CCNJL: variants seen among roughly 807,000 people sequenced by gnomAD.
The protein encoded by CCNJL is cyclin J like.
A neutral mutation model predicts 33.4 loss-of-function variants in CCNJL; 33 were observed. The ratio of observed to expected loss-of-function variants is 0.99; its 90% CI spans 0.75 to 1.32. The LOEUF (loss-of-function observed/expected upper bound fraction) is 1.32, where lower values mean the gene tolerates loss of function less well. Among genes scored for constraint, CCNJL ranks in the 40% most tolerant of loss-of-function variants. CCNJL has a pLI of 0.00. For missense variants in CCNJL, 512 were observed against 499.7 expected, an observed-to-expected ratio of 1.02 and a Z score of -0.23; for synonymous variants, 227 against 220.9, an observed-to-expected ratio of 1.03 and a Z score of -0.24.
At position 160,252,626 on chromosome 5, in the gene CCNJL, T is replaced by C. The variant is rs1352791080; in HGVS notation, c.*752A>G. ...ATCACAAGTTGGGTTCAAACTTGGG[T>C]TCCAAATTAACAGCCCTCATGTGGG... is the stretch of plus-strand genomic sequence containing the variant. On this transcript the variant is annotated 3_prime_UTR_variant, in exon 6 of 6. Coordinates refer to ENST00000257536, the MANE Select transcript of CCNJL (RefSeq NM_001308173.3). 1 of 152,656 alleles carries C rather than the reference T, an allele frequency of 6.6e-6. No homozygotes were observed. Among genetic ancestry groups the C allele is most frequent in the Non-Finnish European group, 1.5e-5 (1 of 68,044 alleles). The allele number at this position is 152,656 out of a possible 1,614,324, so 9.5% of individuals were successfully genotyped here.
At chr5:160,321,967 A>G (rs1763470518) in intron 1 of CCNJL, among the ~76,000 whole-genome samples, 2 of 152,176 alleles carry the variant, frequency 1.3e-5, no homozygotes, top group African/African-American at 4.8e-5. Context: ...CCAGGCACAT[A>G]GGCAGTGGGG....
intron 2 of CCNJL, among the ~76,000 whole-genome samples, chr5:160,299,806 A>G (rs912563927): frequency 6.6e-6 from 1 of 151,704 alleles, no homozygotes; most frequent in African/African-American, 2.4e-5. Context: ...GGTTCACTCC[A>G]AAGAGTCGGA....
intron 5 of CCNJL, chr5:160,255,063 C>T (rs1190205773): frequency 1.3e-5 from 2 of 152,346 alleles, no homozygotes; most frequent in Non-Finnish European, 2.9e-5. Context: ...ACCTGTAATC[C>T]CAGCACTTTG....
In CCNJL at chr5:160,259,481, C is replaced by A. The variant is rs1327729703; in HGVS notation, c.571G>T (p.Val191Phe). ...TCCCAGCTGTCACCTTGCAGGGTGA[C>A]CTCTAGGAAGTAATGGGCATACTCC... ...LKEYAHYFLE[V>F]TLQDHIFYKF... is the part of the protein sequence containing the mutation. The change falls in exon 4 of 6, where the codon GTC (valine) becomes TTC (phenylalanine). Residue 191 changes from valine (V) to phenylalanine (F), a missense_variant. Val to Phe is a conservative substitution (Grantham distance 50, BLOSUM62 -1). Transcript: ENST00000257536. The A allele has an allele frequency of 1.4e-5, 22 of 1,612,378 alleles. No individual in the cohort carries two copies. The highest frequency in any genetic ancestry group is 3.3e-5 in the Admixed American group (2 of 59,948).
At chr5:160,311,137 C>T (rs1581013539) in intron 2 of CCNJL, among the ~76,000 whole-genome samples, 1 of 152,240 alleles carries the variant, frequency 6.6e-6, no homozygotes, top group South Asian at 2.1e-4. Flanking sequence ...TTCCCAATGC[C>T]CCTCAGCCCT....
chr5:160,321,238 C>T (rs1763459538), intron 1 of CCNJL, among the ~76,000 whole-genome samples: 2 of 151,974 alleles, frequency 1.3e-5, no homozygotes, highest in Admixed American at 1.3e-4. Flanking sequence ...AAGAGCTTTC[C>T]AGACTCCAGG....
chr5:160,251,793 T>C lies in CCNJL; in HGVS notation c.*1585A>G, dbSNP rs1470986495. 1 of 151,834 alleles carries C rather than the reference T, an allele frequency of 6.6e-6. No homozygotes were observed. The highest frequency in any genetic ancestry group is 1.5e-5 in the Non-Finnish European group (1 of 67,996). The allele number at this position is 151,834 out of a possible 1,614,324, so 9.4% of individuals were successfully genotyped here. A position where few individuals can be genotyped will look rare whatever the true frequency, so the allele number is the denominator to read the frequency against. ...TGAATCCAAACTGCTTGCACATAAA[T>C]AGAACGGAGGTTGGCAAAGGAAAAA... On this transcript the variant is annotated 3_prime_UTR_variant, in exon 6 of 6. Transcript: ENST00000257536.
intron 1 of CCNJL, among the ~76,000 whole-genome samples, chr5:160,318,707 C>T (rs1763405847): frequency 6.6e-6 from 1 of 152,108 alleles, no homozygotes; most frequent in African/African-American, 2.4e-5. Flanking sequence ...GTGCATGTAT[C>T]GAGAGTGAAA....
intron 2 of CCNJL, chr5:160,281,358 C>T (rs1303138795): frequency 6.4e-6 from 1 of 156,980 alleles, no homozygotes; most frequent in African/African-American, 2.4e-5. Context: ...ACCTCAATTC[C>T]CTAATTTTTG....
In CCNJL at chr5:160,255,660, A is replaced by T. The variant is rs1323360711; in HGVS notation, c.632T>A (p.Val211Asp). The T allele has an allele frequency of 2.5e-6, 4 of 1,614,100 alleles. No homozygotes were observed. Among genetic ancestry groups the T allele is most frequent in the African/African-American group, 1.3e-5 (1 of 75,054 alleles). Residue 211 changes from valine to aspartate, a missense_variant, in exon 5 of 6, where the codon GTT (valine) becomes GAT (aspartate). Coordinates refer to ENST00000257536, the MANE Select transcript of CCNJL (RefSeq NM_001308173.3). ...FQPSVVAAAC[V>D]GASRICLQLS... ...CTGCAGGCAAATCCTGGAGGCCCCA[A>T]CACAGGCCGCAGCGACCACAGAAGG...
At chr5:160,254,485 T>G in intron 5 of CCNJL, 1 of 503,824 alleles carries the variant, frequency 2.0e-6, no homozygotes. Context: ...AAATAAGGCC[T>G]ACGGAGTAGG....
intron 3 of CCNJL, among the ~76,000 whole-genome samples, chr5:160,275,670 A>G (rs1461358317): frequency 6.6e-6 from 1 of 152,186 alleles, no homozygotes; most frequent in African/African-American, 2.4e-5. Context: ...AGGTTTTTAA[A>G]AGTAAAAACG....
intron 2 of CCNJL, among the ~76,000 whole-genome samples, chr5:160,304,979 AT>A (rs956349787): frequency 6.6e-6 from 1 of 151,474 alleles, no homozygotes; most frequent in Admixed American, 6.6e-5. Flanking sequence ...ACGCCCGGCT[AT>A]TTTTTTTGTA....
intron 2 of CCNJL, among the ~76,000 whole-genome samples, chr5:160,296,564 AT>A (rs2113408575): frequency 6.6e-6 from 1 of 152,272 alleles, no homozygotes; most frequent in South Asian, 2.1e-4. Context: ...GCCAGGGTGC[AT>A]TTCCAGGGAG....
intron 2 of CCNJL, 44 bp downstream of exon 2, chr5:160,311,814 A>G (rs370249730): frequency 2.9e-5 from 45 of 1,578,036 alleles, no homozygotes; most frequent in Admixed American, 1.7e-4. Context: ...ACCGAAGGAG[A>G]CTGTACCCAG....
At chr5:160,265,453 T>C (rs1427991673) in intron 3 of CCNJL, among the ~76,000 whole-genome samples, 3 of 152,072 alleles carry the variant, frequency 2.0e-5, no homozygotes, top group Non-Finnish European at 4.4e-5. Context: ...CTGTCCAATA[T>C]AGTGAAACCC....
At chr5:160,324,627 G>GTCTGTCTATCTATCTATCTATCTATCTA (rs140137170) in intron 1 of CCNJL, among the ~76,000 whole-genome samples, 2,767 of 151,678 alleles carry the variant, frequency 0.018, 83 homozygotes, top group African/African-American at 0.063. Flanking sequence ...AAAACTGTCT[G>GTCTGTCTATCTATCTATCTATCTATCTA]TCTATCTATC....
At chr5:160,282,994 T>TACAC (rs1762282481) in intron 2 of CCNJL, among the ~76,000 whole-genome samples, 2 of 59,678 alleles carry the variant, frequency 3.4e-5, no homozygotes, top group African/African-American at 7.9e-5. Context: ...TATATATATA[T>TACAC]ATATATATAT....
chr5:160,253,130 G>A lies in CCNJL; in HGVS notation c.*248C>T, dbSNP rs1456937411. Reference sequence around the variant, plus strand: ...CACTGGGCCCCTGTGTGGGGGGACGGCCACCAAGCCATCCTTTTGTACCCT... The same window carrying A: ...CACTGGGCCCCTGTGTGGGGGGACGACCACCAAGCCATCCTTTTGTACCCT... On this transcript the variant is annotated 3_prime_UTR_variant, in exon 6 of 6. Coordinates refer to ENST00000257536, the MANE Select transcript of CCNJL (RefSeq NM_001308173.3). 1.7e-5 allele frequency: 7 copies of A among 400,678 alleles called. No individual in the cohort carries two copies. The highest frequency in any genetic ancestry group is 3.1e-5 in the Non-Finnish European group (7 of 226,032). The allele number at this position is 400,678 out of a possible 1,614,324, so 24.8% of individuals were successfully genotyped here.
Sources: gnomAD v4.1 joint callset for allele counts (sites outside exome capture counted in the v4.1 genomes callset) on GRCh38, gnomAD v4.1.1 for gene constraint, MANE v1.5 for transcripts, NCBI Gene and HGNC (gene_info 2026-07-23, HGNC 2026-07-21) for gene names.